Variants in SAMD12 observed in about 807,000 individuals in gnomAD.
SAMD12 encodes sterile alpha motif domain containing 12, also known as sterile alpha motif domain-containing protein 12.
SAMD12 carries 9 observed loss-of-function variants against 15.0 expected under a neutral mutation model. The observed-to-expected ratio is 0.60, with a 90% CI of 0.36 to 1.05. The LOEUF is 1.05. Among genes scored for constraint, SAMD12 ranks in the 50% least tolerant of loss-of-function variants. The probability of loss-of-function intolerance (pLI) is 0.01; values close to 1 mark genes in which losing one functional copy is unlikely to be tolerated. For synonymous variants in SAMD12, 86 were observed against 90.1 expected (o/e 0.96, Z 0.25); for missense variants, 230 against 234.2 (o/e 0.98, Z 0.12).
intron 2 of SAMD12, among the ~76,000 whole-genome samples, chr8:118,449,739 T>G (rs972835364): frequency 9.2e-5 from 13 of 141,132 alleles, no homozygotes; most frequent in Non-Finnish European, 1.8e-4. Flanking sequence ...AGGCAGAGCT[T>G]GCAGTGAGCA....
chr8:118,202,471 G>A (rs990000271), intron 4 of SAMD12, among the ~76,000 whole-genome samples: 3 of 152,170 alleles, frequency 2.0e-5, no homozygotes, highest in Non-Finnish European at 2.9e-5. Context: ...GAGAAAGGGA[G>A]TCTGAAACAC....
At chr8:118,356,942 G>A (rs1018391244) in intron 4 of SAMD12, among the ~76,000 whole-genome samples, 2 of 152,094 alleles carry the variant, frequency 1.3e-5, no homozygotes, top group East Asian at 1.9e-4. Context: ...ACCCCCATTC[G>A]CTCTGGCTAT....
At chr8:118,548,424 C>CA (rs1268509345) in intron 2 of SAMD12, among the ~76,000 whole-genome samples, 1 of 141,666 alleles carries the variant, frequency 7.1e-6, no homozygotes, top group Non-Finnish European at 1.5e-5. Flanking sequence ...CACACACACA[C>CA]CCCATGTGAT....
chr8:118,204,793 C>T (rs1342741378), intron 4 of SAMD12, among the ~76,000 whole-genome samples: 2 of 152,070 alleles, frequency 1.3e-5, no homozygotes, highest in Non-Finnish European at 2.9e-5. Flanking sequence ...AAAAGAATCT[C>T]CAACGAGATT....
chr8:118,268,686 C>T (rs556701996), intron 4 of SAMD12, among the ~76,000 whole-genome samples: 1 of 152,180 alleles, frequency 6.6e-6, no homozygotes, highest in African/African-American at 2.4e-5. Context: ...TGGTGGTGCT[C>T]ACCTGTAATC....
At chr8:118,550,931 A>T (rs1383522172) in intron 2 of SAMD12, among the ~76,000 whole-genome samples, 10 of 151,016 alleles carry the variant, frequency 6.6e-5, no homozygotes, top group South Asian at 2.1e-4. Context: ...AGAGACAAAG[A>T]AGGCCATTAC....
At chr8:118,360,001 A>G (rs1392630381) in intron 4 of SAMD12, among the ~76,000 whole-genome samples, 1 of 152,154 alleles carries the variant, frequency 6.6e-6, no homozygotes, top group African/African-American at 2.4e-5. Context: ...ATACTCTACG[A>G]GCTGACCTTA....
At chr8:118,536,747 GTAGT>G (rs1825855763) in intron 2 of SAMD12, among the ~76,000 whole-genome samples, 1 of 152,094 alleles carries the variant, frequency 6.6e-6, no homozygotes, top group African/African-American at 2.4e-5. Context: ...AAAAGTTGTT[GTAGT>G]TATTTTTGAT....
intron 4 of SAMD12, among the ~76,000 whole-genome samples, chr8:118,246,648 A>G (rs781341561): frequency 6.6e-6 from 1 of 152,164 alleles, no homozygotes; most frequent in Non-Finnish European, 1.5e-5. Flanking sequence ...TCAAGGAGAT[A>G]TAAAAATAGA....
rs550070865 is a variant in SAMD12 at position 118,334,787 on chromosome 8, G to T, written c.433+44773C>A. On this transcript the variant is annotated intron_variant, in intron 4 of 4. Coordinates refer to the SAMD12 transcript ENST00000409003. Reference sequence around the variant, plus strand: ...ATTTTTGTATTTTTTAGCAGAGATTGGGATTCACCATGTTGCCCAGGTTGG... The same window carrying T: ...ATTTTTGTATTTTTTAGCAGAGATTTGGATTCACCATGTTGCCCAGGTTGG... Among the ~76,000 whole-genome samples, 29 of 152,166 alleles carry T rather than the reference G, an allele frequency of 1.9e-4. No homozygotes were observed. In the East Asian group the frequency reaches 5.6e-3, roughly 30 times the overall value.
intron 2 of SAMD12, among the ~76,000 whole-genome samples, chr8:118,557,463 G>T (rs1324813122): frequency 6.6e-6 from 1 of 152,216 alleles, no homozygotes; most frequent in African/African-American, 2.4e-5. Context: ...TTTGATTGGG[G>T]TTGGAGTAGA....
intron 4 of SAMD12, among the ~76,000 whole-genome samples, chr8:118,325,492 T>G (rs764703042): frequency 1.3e-5 from 2 of 152,178 alleles, no homozygotes; most frequent in Non-Finnish European, 1.5e-5. Context: ...AATGTGATAT[T>G]TTGACATATG....
Position 118,591,584 on chromosome 8 carries a change from C to A in SAMD12, c.14-10691G>T, listed in dbSNP as rs951613511. On this transcript the variant is annotated intron_variant, in intron 1 of 3. Transcript: ENST00000314727. ...TAACAGTTAAATAAACAAAATAGTA[C>A]CATGCACTTTTAAAGGATAAATACA... Among the ~76,000 whole-genome samples the A allele has an allele frequency of 2.6e-5, 4 of 151,972 alleles. No individual in the cohort carries two copies. In the East Asian group the frequency reaches 7.7e-4, roughly 29 times the overall value.
chr8:118,380,676 C>T (rs1310125299), intron 3 of SAMD12, among the ~76,000 whole-genome samples: 1 of 152,150 alleles, frequency 6.6e-6, no homozygotes, highest in Non-Finnish European at 1.5e-5. Flanking sequence ...CTCATTTCCA[C>T]AGATGAAGAA....
chr8:118,407,035 A>G (rs760940295), intron 3 of SAMD12, among the ~76,000 whole-genome samples: 9 of 152,012 alleles, frequency 5.9e-5, no homozygotes, highest in Non-Finnish European at 1.0e-4. Flanking sequence ...AATTACCACT[A>G]AAGAACTTAT....
intron 2 of SAMD12, among the ~76,000 whole-genome samples, chr8:118,579,867 C>T (rs886859218): frequency 6.6e-6 from 1 of 152,142 alleles, no homozygotes. Flanking sequence ...CAACACTGTG[C>T]CCCCAACATG....
chr8:118,568,840 T>C (rs192691140), intron 2 of SAMD12, among the ~76,000 whole-genome samples: 168 of 152,278 alleles, frequency 1.1e-3, no homozygotes, highest in Non-Finnish European at 2.0e-3. Flanking sequence ...CTGACCTCAG[T>C]TGAAAAAGCA....
chr8:118,512,054 T>C (rs1825104773), intron 2 of SAMD12, among the ~76,000 whole-genome samples: 1 of 150,908 alleles, frequency 6.6e-6, no homozygotes, highest in Non-Finnish European at 1.5e-5. Context: ...ATTTTTTTTT[T>C]CACCTTTCAA....
intron 4 of SAMD12, among the ~76,000 whole-genome samples, chr8:118,212,078 G>GTGTGTGTGTGTGTT (rs112435036): frequency 1.1e-3 from 169 of 150,970 alleles, no homozygotes; most frequent in African/African-American, 2.2e-3. Flanking sequence ...GTGTGTGTGT[G>GTGTGTGTGTGTGTT]TGTGTTTGTG....
Sources: allele counts gnomAD v4.1 joint callset (sites outside exome capture counted in the v4.1 genomes callset), GRCh38; gene constraint gnomAD v4.1.1; transcripts MANE v1.5; gene names NCBI Gene and HGNC (gene_info 2026-07-23, HGNC 2026-07-21).